The following BAIAP2L2 variants were observed in gnomAD, a reference collection of about 807,000 sequenced individuals.
BAIAP2L2 encodes BAR/IMD domain-containing adapter protein 2-like 2.
A neutral mutation model predicts 60.4 loss-of-function variants in BAIAP2L2; 65 were observed. That is an observed-to-expected ratio of 1.08 (90% CI 0.88 to 1.32). The LOEUF (loss-of-function observed/expected upper bound fraction) is 1.32. BAIAP2L2 is among the 40% of genes most tolerant of loss of function. The pLI is 0.00. For missense variants in BAIAP2L2, 836 were observed against 741.2 expected (o/e 1.13, Z -1.48); for synonymous variants, 344 against 301.7 (o/e 1.14, Z -1.45).
chr22:38,108,959 TG>T (rs1334663871), intron 2 of BAIAP2L2, among the ~76,000 whole-genome samples, 173 bp downstream of exon 2: 2 of 144,268 alleles, frequency 1.4e-5, no homozygotes, highest in African/African-American at 5.2e-5. Context: ...CACAGGAGAG[TG>T]GGGGTGCATA....
intron 4 of BAIAP2L2, among the ~76,000 whole-genome samples, chr22:38,105,744 G>A (rs543435193): frequency 6.6e-6 from 1 of 152,238 alleles, no homozygotes; most frequent in South Asian, 2.1e-4. Flanking sequence ...TGCATGGAAC[G>A]TGTTACGTAT....
intron 7 of BAIAP2L2, 47 bp downstream of exon 7, chr22:38,096,985 G>T: frequency 6.3e-7 from 1 of 1,575,096 alleles, no homozygotes; most frequent in African/African-American, 1.3e-5. Context: ...CTCAGGAGGG[G>T]GCAGCTCCTA....
chr22:38,098,210 T>C, intron 5 of BAIAP2L2, 31 bp from the exon 6 acceptor site: 1 of 1,604,116 alleles, frequency 6.2e-7, no homozygotes. Flanking sequence ...GGAGGGAGAA[T>C]CCCCCCACAT....
rs1379453468 is a variant in BAIAP2L2, at chr22:38,108,269, G to A, written c.200C>T (p.Thr67Ile). ...KIGERALQSP[T>I]SQILGEILVQ... ...GGGAGCCTCACCCAGAATCTGTGAG[G>A]TGGGGCTCTGCAGGGCACGCTCCCC... Residue 67 changes from threonine (T) to isoleucine (I), a missense_variant, in exon 3 of 14, where the codon ACC becomes ATC. By Grantham distance (89) the Thr-to-Ile change is moderately conservative (BLOSUM62 -1). Coordinates refer to ENST00000381669, the MANE Select transcript of BAIAP2L2 (RefSeq NM_025045.6). 6.2e-7 allele frequency: 1 copy of A among 1,612,562 alleles called. No homozygotes were observed. The highest frequency in any genetic ancestry group is 2.2e-5 in the East Asian group (1 of 44,880).
intron 4 of BAIAP2L2, among the ~76,000 whole-genome samples, chr22:38,104,647 C>G (rs1482277191): frequency 6.6e-6 from 1 of 152,050 alleles, no homozygotes; most frequent in East Asian, 1.9e-4. Context: ...AGGCGCCCAC[C>G]ACCATGCCCG....
intron 4 of BAIAP2L2, among the ~76,000 whole-genome samples, chr22:38,106,246 C>T (rs952529964): frequency 2.0e-5 from 3 of 152,128 alleles, no homozygotes; most frequent in Non-Finnish European, 2.9e-5. Flanking sequence ...CCGCCAGGCG[C>T]GGTGGCTCAC....
At chr22:38,098,305 G>T in intron 5 of BAIAP2L2, 106 bp downstream of exon 5, 1 of 1,448,262 alleles carries the variant, frequency 6.9e-7, no homozygotes, top group South Asian at 1.2e-5. Context: ...GGATAATCTG[G>T]GGCCCAGTCA....
chr22:38,110,120 G>GGAGAGAGAGAGAGAGA (rs1202491630), intron 1 of BAIAP2L2, among the ~76,000 whole-genome samples: 2 of 18,830 alleles, frequency 1.1e-4, no homozygotes, highest in Admixed American at 8.4e-4. Flanking sequence ...AGAGAGAGAG[G>GGAGAGAGAGAGAGAGA]GAGAGAGAGA....
intron 7 of BAIAP2L2, 149 bp from the exon 8 acceptor site, chr22:38,089,823 A>G (rs1017427430): frequency 1.3e-6 from 1 of 759,890 alleles, no homozygotes. Flanking sequence ...AAGCCAGCTC[A>G]CCGTCCAACC....
chr22:38,094,103 G>A (rs148870749), intron 7 of BAIAP2L2: 25 of 429,504 alleles, frequency 5.8e-5, no homozygotes, highest in African/African-American at 4.8e-4. Context: ...TCCAGAATGG[G>A]CAAATGTATT....
rs200068984 is a variant in BAIAP2L2 at position 38,087,182 on chromosome 22, A to G, written c.1201T>C (p.Ser401Pro). ...NPMTPVTPMT[S>P]MTSMSPMTPM... ...GTCATGGGGGACATGGAGGTCATGGAGGTCATGGGGGTCACGGGGGTCATG... is the reference window on the plus strand; with the variant it reads ...GTCATGGGGGACATGGAGGTCATGGGGGTCATGGGGGTCACGGGGGTCATG... The change falls in exon 11 of 14, where the codon TCC becomes CCC. Residue 401 changes from serine to proline, a missense_variant. Transcript: ENST00000381669. The G allele has an allele frequency of 5.1e-4, 819 of 1,598,518 alleles. 2 individuals are homozygous for G. Among genetic ancestry groups the G allele is most frequent in the African/African-American group, 1.8e-3 (134 of 73,578 alleles).
intron 4 of BAIAP2L2, among the ~76,000 whole-genome samples, chr22:38,104,656 C>T (rs1436231361): frequency 2.0e-5 from 3 of 151,870 alleles, no homozygotes; most frequent in South Asian, 2.1e-4. Flanking sequence ...CCACCATGCC[C>T]GGCTAATTGT....
At chr22:38,100,177 C>A (rs2086536252) in intron 4 of BAIAP2L2, among the ~76,000 whole-genome samples, 1 of 152,116 alleles carries the variant, frequency 6.6e-6, no homozygotes, top group African/African-American at 2.4e-5. Context: ...TTCTGAGGGG[C>A]CGCTTTCCGC....
intron 4 of BAIAP2L2, among the ~76,000 whole-genome samples, chr22:38,100,545 T>C (rs984070084): frequency 3.4e-5 from 5 of 148,990 alleles, no homozygotes; most frequent in East Asian, 3.9e-4. Flanking sequence ...AATAAATAAA[T>C]AAATAAATAA....
intron 7 of BAIAP2L2, 137 bp from the exon 8 acceptor site, chr22:38,089,811 A>C (rs1208714390): frequency 9.2e-6 from 8 of 868,278 alleles, no homozygotes; most frequent in Non-Finnish European, 1.2e-5. Context: ...GGAAGGAGCC[A>C]GAAGCCAGCT....
intron 4 of BAIAP2L2, among the ~76,000 whole-genome samples, chr22:38,104,814 A>T (rs2086632630): frequency 1.3e-5 from 2 of 151,202 alleles, no homozygotes; most frequent in Non-Finnish European, 1.5e-5. Context: ...TTTTTTTTTT[A>T]AGAGTGAAAC....
rs759921346 is a variant in BAIAP2L2 at position 38,087,249 on chromosome 22, G to A, written c.1134C>T (p.Pro378=). 11 of 1,605,802 alleles carry A rather than the reference G, an allele frequency of 6.9e-6. No individual in the cohort carries two copies. Among genetic ancestry groups the A allele is most frequent in the Non-Finnish European group, 8.5e-6 (10 of 1,176,560 alleles). The change falls in exon 11 of 14, where the codon CCC becomes CCT. Residue 378 remains proline (P), a synonymous_variant. Transcript: ENST00000381669. ...CCTCCAGAGCCTTCACGTACGCCTC[G>A]GGGAACCAACCGCTCCTGTGGGGTA... ...LEGSSASGWF[P]EAYVKALEEG...
In BAIAP2L2 at chr22:38,110,515, T is replaced by G; in HGVS notation, c.11A>C (p.Glu4Ala). 6.2e-7 allele frequency: 1 copy of G among 1,611,082 alleles called. No homozygotes were observed. The highest frequency in any genetic ancestry group is 8.5e-7 in the Non-Finnish European group (1 of 1,178,620). Residue 4 changes from glutamate (E) to alanine (A), a missense_variant, in exon 1 of 14, where the codon GAG becomes GCG. By Grantham distance (107) the Glu-to-Ala change is moderately radical. Transcript: ENST00000381669. The part of the protein sequence containing the change: MAP[E>A]MDQFYRSTMA... ...GGTGGACCTGTAGAACTGGTCCATC[T>G]CGGGGGCCATGGAGGGGCTGTCCCG...
chr22:38,094,245 G>A (rs1257303547), intron 7 of BAIAP2L2, among the ~76,000 whole-genome samples: 3 of 152,136 alleles, frequency 2.0e-5, no homozygotes, highest in Non-Finnish European at 2.9e-5. Context: ...GAGTGCAGTG[G>A]TGCAATCTTG....
Sources: gnomAD v4.1 joint callset for allele counts (sites outside exome capture counted in the v4.1 genomes callset) on GRCh38, gnomAD v4.1.1 for gene constraint, MANE v1.5 for transcripts, NCBI Gene and HGNC (gene_info 2026-07-23, HGNC 2026-07-21) for gene names.